The following BRK1 variants were observed in gnomAD, a reference collection of about 807,000 sequenced individuals.
BRK1 encodes the protein protein BRICK1.
Under a neutral mutation model 9.9 loss-of-function variants are expected in BRK1, and 6 were observed. That is an observed-to-expected ratio of 0.60 (90% CI 0.33 to 1.19). BRK1 has a LOEUF of 1.19. BRK1 is among the 50% of genes most tolerant of loss of function. The pLI, the probability that BRK1 is intolerant of heterozygous loss-of-function variation, is 0.04. For missense variants in BRK1, 62 were observed against 97.5 expected (o/e 0.64, Z 1.53); for synonymous variants, 44 against 31.9 (o/e 1.38, Z -1.28).
At chr3:10,123,820 C>A (rs1695798750) in intron 1 of BRK1, among the ~76,000 whole-genome samples, 1 of 140,930 alleles carries the variant, frequency 7.1e-6, no homozygotes, top group Non-Finnish European at 1.5e-5. Flanking sequence ...ACTGCAACCT[C>A]CGCCTCCCAG....
In BRK1 at chr3:10,115,968, C is replaced by T. The variant is rs1695679578; in HGVS notation, c.118+149C>T. On this transcript the variant is annotated intron_variant, in intron 1 of 2. Coordinates refer to ENST00000530758, the MANE Select transcript of BRK1 (RefSeq NM_018462.5). ...CCTTCAGGTCCCACCTTCTCCCTCC[C>T]GCCCTGACCCTCAGGCTCCCGTAGA... is the stretch of plus-strand genomic sequence containing the variant. 13 of 668,068 alleles carry T rather than the reference C, an allele frequency of 1.9e-5. 1 individual carries two copies. The South Asian group carries it at 2.3e-4, about 12-fold the overall frequency. 41.4% of individuals were successfully genotyped at this position (668,068 alleles called of 1,614,324 possible). A position where few individuals can be genotyped will look rare whatever the true frequency, so the allele number is the denominator to read the frequency against.
At chr3:10,117,998 G>A (rs1236826200) in intron 1 of BRK1, among the ~76,000 whole-genome samples, 1 of 152,112 alleles carries the variant, frequency 6.6e-6, no homozygotes, top group Non-Finnish European at 1.5e-5. Flanking sequence ...GCTCATGCCT[G>A]TAATCCCAGC....
At chr3:10,119,149 A>C (rs1695725153) in intron 1 of BRK1, among the ~76,000 whole-genome samples, 1 of 151,726 alleles carries the variant, frequency 6.6e-6, no homozygotes, top group Admixed American at 6.6e-5. Context: ...ATCTCAAAAA[A>C]AAAAAAAAAA....
At chr3:10,122,116 G>A (rs977432236) in intron 1 of BRK1, among the ~76,000 whole-genome samples, 5 of 150,758 alleles carry the variant, frequency 3.3e-5, no homozygotes, top group African/African-American at 9.8e-5. Context: ...TAGGTATGGG[G>A]TTTCTCCATG....
intron 1 of BRK1, among the ~76,000 whole-genome samples, chr3:10,122,009 C>G (rs1466258667): frequency 6.6e-6 from 1 of 151,772 alleles, no homozygotes; most frequent in African/African-American, 2.4e-5. Context: ...CCTGCCTCAG[C>G]CTCCAGAGTA....
At position 10,126,373 on chromosome 3, in the gene BRK1, C is replaced by T; in HGVS notation, c.*78C>T. The T allele has an allele frequency of 7.8e-7, 1 of 1,275,192 alleles. No individual in the cohort carries two copies. Among genetic ancestry groups the T allele is most frequent in the East Asian group, 2.5e-5 (1 of 39,706 alleles). 79.0% of individuals were successfully genotyped at this position (1,275,192 alleles called of 1,614,324 possible). A position where few individuals can be genotyped will look rare whatever the true frequency, so the allele number is the denominator to read the frequency against. On this transcript the variant is annotated 3_prime_UTR_variant, in exon 3 of 3. Coordinates refer to ENST00000530758, the MANE Select transcript of BRK1 (RefSeq NM_018462.5). ...GGAAAGGCCCCAGCAGCCTTCAGCT[C>T]CTTCCTTTCTCCTTAAAGAGCAACA...
intron 1 of BRK1, among the ~76,000 whole-genome samples, chr3:10,117,127 G>C (rs567474273): frequency 6.6e-6 from 1 of 152,114 alleles, no homozygotes; most frequent in African/African-American, 2.4e-5. Flanking sequence ...ATGCACACCT[G>C]TTGTCCCAGC....
chr3:10,126,444 T>A lies in BRK1; in HGVS notation c.*149T>A, dbSNP rs1309590861. 19 of 682,060 alleles carry A rather than the reference T, an allele frequency of 2.8e-5. No individual in the cohort carries two copies. The highest frequency in any genetic ancestry group is 4.1e-5 in the Non-Finnish European group (17 of 412,022). 42.3% of individuals were successfully genotyped at this position (682,060 alleles called of 1,614,324 possible). A position where few individuals can be genotyped will look rare whatever the true frequency, so the allele number is the denominator to read the frequency against. ...TTTTTCAAAAGTGTGGCCTTTGGGC[T>A]CTGCCATCTGGGGTGTGGTGTGGTA... On this transcript the variant is annotated 3_prime_UTR_variant, in exon 3 of 3. Transcript: ENST00000530758.
intron 2 of BRK1, among the ~76,000 whole-genome samples, chr3:10,125,947 C>T (rs1695833751): frequency 6.6e-6 from 1 of 152,070 alleles, no homozygotes; most frequent in South Asian, 2.1e-4. Flanking sequence ...AAAAATTAGC[C>T]AGGCATGGTG....
chr3:10,117,452 G>A (rs897204331), intron 1 of BRK1, among the ~76,000 whole-genome samples: 3 of 142,788 alleles, frequency 2.1e-5, no homozygotes, highest in African/African-American at 8.0e-5. Context: ...GGAGTGCAGT[G>A]GCGTGATCTC....
intron 1 of BRK1, among the ~76,000 whole-genome samples, chr3:10,122,085 CT>C (rs113981551): frequency 1.4e-4 from 21 of 145,160 alleles, no homozygotes; most frequent in East Asian, 8.1e-4. Flanking sequence ...GACAGGATTT[CT>C]TTTTTTTTTG....
intron 1 of BRK1, among the ~76,000 whole-genome samples, chr3:10,123,438 C>CTTTT (rs869148224): frequency 4.4e-5 from 6 of 136,012 alleles, no homozygotes; most frequent in Admixed American, 1.5e-4. Context: ...ACTTTCTTTC[C>CTTTT]TTTTTTTTTT....
chr3:10,119,817 G>C (rs974227275), intron 1 of BRK1, among the ~76,000 whole-genome samples: 1 of 152,122 alleles, frequency 6.6e-6, no homozygotes, highest in Non-Finnish European at 1.5e-5. Context: ...GGTAATATAT[G>C]CAGAGAAGTA....
intron 1 of BRK1, among the ~76,000 whole-genome samples, chr3:10,124,458 CAAAAA>C (rs200771502): frequency 2.8e-5 from 4 of 142,066 alleles, no homozygotes; most frequent in Non-Finnish European, 4.6e-5. Flanking sequence ...GACTCCATCT[CAAAAA>C]AAAAAACCAA....
At chr3:10,124,645 C>T (rs926506601) in intron 1 of BRK1, among the ~76,000 whole-genome samples, 5 of 152,160 alleles carry the variant, frequency 3.3e-5, no homozygotes, top group African/African-American at 1.2e-4. Context: ...AGTCACTGCT[C>T]CTGGCCTGGG....
rs761824971 is a variant in BRK1, at chr3:10,126,300, G to A, written c.*5G>A. ...AAAGGTGAGACACTCACCTAGAACA[G>A]TGCCGTGCTGCTGCTGGGAAGTTGC... On this transcript the variant is annotated 3_prime_UTR_variant, in exon 3 of 3. Transcript: ENST00000530758. 2.1e-5 allele frequency: 33 copies of A among 1,577,842 alleles called. 1 individual carries two copies. The East Asian group carries it at 6.7e-4, about 32-fold the overall frequency.
chr3:10,119,281 A>T (rs1411086782), intron 1 of BRK1, among the ~76,000 whole-genome samples: 1 of 152,014 alleles, frequency 6.6e-6, no homozygotes, highest in Non-Finnish European at 1.5e-5. Context: ...ATATGGCGAA[A>T]CCCCATCTCT....
chr3:10,119,938 A>T (rs1357114739), intron 1 of BRK1, among the ~76,000 whole-genome samples: 1 of 152,212 alleles, frequency 6.6e-6, no homozygotes, highest in East Asian at 1.9e-4. Context: ...AGGAATAAAT[A>T]TGAATAAATG....
At chr3:10,124,816 T>C (rs1695814532) in intron 1 of BRK1, among the ~76,000 whole-genome samples, 4 of 152,196 alleles carry the variant, frequency 2.6e-5, no homozygotes, top group Admixed American at 2.6e-4. Context: ...TGTTCCCAGC[T>C]TCTAAAGGTC....
Sources: gnomAD v4.1 joint callset for allele counts (sites outside exome capture counted in the v4.1 genomes callset) on GRCh38, gnomAD v4.1.1 for gene constraint, MANE v1.5 for transcripts, NCBI Gene and HGNC (gene_info 2026-07-23, HGNC 2026-07-21) for gene names.